GPHN: variants seen among roughly 807,000 people sequenced by gnomAD.
The protein encoded by GPHN is gephyrin.
GPHN carries 17 observed loss-of-function variants against 95.5 expected under a neutral mutation model. The observed-to-expected ratio is 0.18, with a 90% CI of 0.12 to 0.27. The LOEUF (loss-of-function observed/expected upper bound fraction) is 0.27. Among genes scored for constraint, GPHN ranks in the 10% least tolerant of loss-of-function variants. GPHN has a pLI of 1.00. For synonymous variants in GPHN, 320 were observed against 322.5 expected (o/e 0.99, Z 0.08); for missense variants, 660 against 978.1 (o/e 0.67, Z 4.34).
the GPHN span, chr14:67,695,500 C>A: frequency 1.2e-6 from 1 of 868,556 alleles, no homozygotes; most frequent in African/African-American, 1.7e-5. Context: ...TCCAACCCAC[C>A]GAACTCTGGG....
intron 1 of GPHN, among the ~76,000 whole-genome samples, chr14:66,578,654 G>GAAAAA (rs574302625): frequency 1.2e-4 from 7 of 59,674 alleles, no homozygotes; most frequent in Middle Eastern, 0.013. Context: ...GGGATAGAGT[G>GAAAAA]AAAAAAAAAA....
chr14:66,659,482 G>A (rs2153372792), intron 1 of GPHN, among the ~76,000 whole-genome samples: 1 of 151,982 alleles, frequency 6.6e-6, no homozygotes, highest in South Asian at 2.1e-4. Flanking sequence ...TATCTTTGTT[G>A]ATTATATAAC....
the GPHN span, among the ~76,000 whole-genome samples, chr14:67,634,611 G>A: frequency 2.2e-5 from 3 of 139,414 alleles, no homozygotes; most frequent in Non-Finnish European, 3.2e-5. Flanking sequence ...AAAAAAAAAA[G>A]CTAGTAGGTA....
At chr14:66,788,431 A>G (rs2059858943) in intron 3 of GPHN, among the ~76,000 whole-genome samples, 1 of 152,262 alleles carries the variant, frequency 6.6e-6, no homozygotes, top group Non-Finnish European at 1.5e-5. Context: ...TGTAATATTT[A>G]TAATTATTAA....
the GPHN span, chr14:67,334,099 G>T: frequency 2.0e-5 from 3 of 152,426 alleles, no homozygotes; most frequent in South Asian, 2.1e-4. Flanking sequence ...CAAAAGGAAG[G>T]GAAGACCTGA....
At chr14:67,114,759 G>A (rs1332556953) in intron 16 of GPHN, among the ~76,000 whole-genome samples, 1 of 152,084 alleles carries the variant, frequency 6.6e-6, no homozygotes, top group East Asian at 1.9e-4. Flanking sequence ...CTGTTTAAGC[G>A]ATATTGCTTA....
chr14:67,732,599 G>A, the GPHN span, among the ~76,000 whole-genome samples: 3 of 149,950 alleles, frequency 2.0e-5, no homozygotes, highest in Admixed American at 6.6e-5. Flanking sequence ...TTTTTGAGAC[G>A]GAGTTTCGGT....
At chr14:67,715,674 G>T in the GPHN span, among the ~76,000 whole-genome samples, 46 of 152,220 alleles carry the variant, frequency 3.0e-4, 1 homozygote, top group African/African-American at 1.1e-3. Flanking sequence ...TCTTCTGAAG[G>T]AGTGACTCAC....
intron 2 of GPHN, among the ~76,000 whole-genome samples, chr14:66,756,409 T>C (rs1354827590): frequency 6.6e-6 from 1 of 152,122 alleles, no homozygotes; most frequent in Non-Finnish European, 1.5e-5. Flanking sequence ...TGTGGTTGTG[T>C]AGGCAGGGGC....
rs59949991 is a variant in GPHN, at chr14:66,661,772, G to A, written c.65-19335G>A. Among the ~76,000 whole-genome samples, 350 of 151,824 alleles carry A rather than the reference G, an allele frequency of 2.3e-3. 5 individuals are homozygous for A. The highest frequency in any genetic ancestry group is 4.0e-3 in the Non-Finnish European group (271 of 67,966). Reference sequence around the variant, plus strand: ...TTGATTTCACCCTGGGACTGAGTTCGAGGGGGAGGTGGGCGGGCGCCATCG... The same window carrying A: ...TTGATTTCACCCTGGGACTGAGTTCAAGGGGGAGGTGGGCGGGCGCCATCG... On this transcript the variant is annotated intron_variant, in intron 1 of 22. Transcript: ENST00000478722.
intron 1 of GPHN, among the ~76,000 whole-genome samples, chr14:66,599,354 C>T (rs901285233): frequency 2.3e-5 from 3 of 130,388 alleles, no homozygotes; most frequent in Admixed American, 7.6e-5. Flanking sequence ...TTTTATTATC[C>T]TTTTACCTCT....
At chr14:67,015,848 G>T (rs2073279616) in intron 9 of GPHN, among the ~76,000 whole-genome samples, 1 of 152,150 alleles carries the variant, frequency 6.6e-6, no homozygotes, top group Non-Finnish European at 1.5e-5. Context: ...GTTCACCTTT[G>T]ATTAGAGGTT....
At chr14:66,975,270 A>C (rs2070133944) in intron 9 of GPHN, among the ~76,000 whole-genome samples, 2 of 152,192 alleles carry the variant, frequency 1.3e-5, no homozygotes, top group Admixed American at 1.3e-4. Context: ...CAGAAGTTAA[A>C]GGTTTTGGAG....
At chr14:66,924,601 T>C (rs539282130) in intron 8 of GPHN, among the ~76,000 whole-genome samples, 1 of 152,318 alleles carries the variant, frequency 6.6e-6, no homozygotes, top group South Asian at 2.1e-4. Flanking sequence ...TCAGATATCT[T>C]TAAATAAATT....
chr14:67,627,256 GATATATATATATATAT>G, the GPHN span, among the ~76,000 whole-genome samples: 1 of 133,750 alleles, frequency 7.5e-6, no homozygotes, highest in Non-Finnish European at 1.6e-5. Context: ...TCAGTAAGGA[GATATATATATATATAT>G]ATATATATAT....
chr14:67,254,244 C>G, the GPHN span: 1 of 147,188 alleles, frequency 6.8e-6, no homozygotes, highest in Admixed American at 6.9e-5. Flanking sequence ...CCTCAGCAGC[C>G]TTTTTCTTGA....
At chr14:67,171,407 A>C (rs936473707) in intron 21 of GPHN, among the ~76,000 whole-genome samples, 8 of 152,044 alleles carry the variant, frequency 5.3e-5, no homozygotes, top group Non-Finnish European at 8.8e-5. Flanking sequence ...AGAAAGGAAC[A>C]CAATCCTAGC....
At chr14:67,251,244 T>A in the GPHN span, among the ~76,000 whole-genome samples, 1 of 152,184 alleles carries the variant, frequency 6.6e-6, no homozygotes, top group Admixed American at 6.6e-5. Context: ...TGTTTAAAAA[T>A]GTACGTGAGG....
the GPHN span, among the ~76,000 whole-genome samples, chr14:67,225,926 A>AGT: frequency 0.045 from 6,086 of 136,584 alleles, 140 homozygotes; most frequent in Middle Eastern, 0.083. Flanking sequence ...TAATGCTGTG[A>AGT]GTGTGTGTGT....
Sources: allele counts gnomAD v4.1 joint callset (sites outside exome capture counted in the v4.1 genomes callset), GRCh38; gene constraint gnomAD v4.1.1; transcripts MANE v1.5; gene names NCBI Gene and HGNC (gene_info 2026-07-23, HGNC 2026-07-21).